MMP26: variants seen among roughly 807,000 people sequenced by gnomAD.
The protein encoded by MMP26 is matrix metallopeptidase 26, also known as matrix metalloproteinase-26.
Under a neutral mutation model 31.0 loss-of-function variants are expected in MMP26, and 33 were observed. The observed-to-expected ratio is 1.06, with a 90% confidence interval of 0.81 to 1.42. The LOEUF (loss-of-function observed/expected upper bound fraction) is 1.42. Among genes scored for constraint, MMP26 ranks in the 40% most tolerant of loss-of-function variants. MMP26 has a pLI of 0.00. For synonymous variants in MMP26, 122 were observed against 114.9 expected (o/e 1.06, Z -0.40); for missense variants, 347 against 316.1 (o/e 1.10, Z -0.74).
At chr11:4,848,923 C>T (rs1379999362) in intron 2 of MMP26, 4 of 1,613,908 alleles carry the variant, frequency 2.5e-6, no homozygotes, top group Non-Finnish European at 2.5e-6. Context: ...GTGTGAGCAC[C>T]AGCAAGGGCG....
chr11:4,803,174 TAGG>T (rs1170576900), intron 2 of MMP26, among the ~76,000 whole-genome samples: 1 of 152,214 alleles, frequency 6.6e-6, no homozygotes. Context: ...ACTGATTTAA[TAGG>T]TAAAACTACT....
chr11:4,706,577 C>CAAAAAAAAAAAAAAAAAAAAAAAACA (rs71050423), intron 1 of MMP26, among the ~76,000 whole-genome samples: 1 of 87,568 alleles, frequency 1.1e-5, no homozygotes, highest in Non-Finnish European at 2.1e-5. Flanking sequence ...GACCCTATCT[C>CAAAAAAAAAAAAAAAAAAAAAAAACA]AAAAAAAAAA....
intron 2 of MMP26, among the ~76,000 whole-genome samples, chr11:4,976,136 T>C (rs1018941596): frequency 2.0e-5 from 3 of 152,110 alleles, no homozygotes; most frequent in African/African-American, 7.3e-5. Context: ...GATTGTCCAG[T>C]ATTCTGTCTT....
chr11:4,845,620 T>C (rs1849856261), intron 2 of MMP26, among the ~76,000 whole-genome samples: 1 of 152,088 alleles, frequency 6.6e-6, no homozygotes, highest in Non-Finnish European at 1.5e-5. Flanking sequence ...AAAAAGCTTC[T>C]GCATAGCAAA....
At chr11:4,844,193 C>T (rs1156403422) in intron 2 of MMP26, among the ~76,000 whole-genome samples, 1 of 152,084 alleles carries the variant, frequency 6.6e-6, no homozygotes, top group Admixed American at 6.6e-5. Context: ...TTCCTAGATG[C>T]ATACACCCTA....
chr11:4,733,655 T>A (rs1185261927), intron 1 of MMP26, among the ~76,000 whole-genome samples: 1 of 152,150 alleles, frequency 6.6e-6, no homozygotes, highest in Non-Finnish European at 1.5e-5. Context: ...CCTTCCTCTT[T>A]CCCTGGATTT....
chr11:4,802,705 C>T (rs1475805990), intron 2 of MMP26, among the ~76,000 whole-genome samples: 7 of 152,086 alleles, frequency 4.6e-5, no homozygotes, highest in Non-Finnish European at 1.0e-4. Context: ...CTACTCCAAG[C>T]AGCTATTTTT....
chr11:4,837,087 G>A (rs1194968310), intron 2 of MMP26, among the ~76,000 whole-genome samples: 2 of 151,982 alleles, frequency 1.3e-5, no homozygotes, highest in African/African-American at 2.4e-5. Flanking sequence ...TACCAGATTG[G>A]GAAAGGCATA....
intron 2 of MMP26, among the ~76,000 whole-genome samples, chr11:4,801,206 C>G (rs1849176587): frequency 1.3e-5 from 2 of 152,204 alleles, no homozygotes; most frequent in East Asian, 1.9e-4. Flanking sequence ...GCCCATTACC[C>G]AGTTCCAAAG....
At chr11:4,822,136 G>T (rs773070388) in intron 2 of MMP26, 1 of 1,612,260 alleles carries the variant, frequency 6.2e-7, no homozygotes, top group Non-Finnish European at 8.5e-7. Context: ...GAGGCGGAAA[G>T]CCTTCAACAC....
rs533811320 is a variant in MMP26, at chr11:4,870,496, G to A, written c.-145+103155G>A. On this transcript the variant is annotated intron_variant, in intron 2 of 7. Transcript: ENST00000380390. ...AATGTGAAGTAGAGAGTGATAAGGT[G>A]AAGATGGATTTTATAATTCTTAGAA... is the stretch of plus-strand genomic sequence containing the variant. Among the ~76,000 whole-genome samples, 11 of 152,170 alleles carry A rather than the reference G, an allele frequency of 7.2e-5. No homozygotes were observed. The East Asian group carries it at 1.7e-3, about 24-fold the overall frequency.
intron 2 of MMP26, among the ~76,000 whole-genome samples, chr11:4,856,285 T>G (rs1457578180): frequency 6.6e-6 from 1 of 152,000 alleles, no homozygotes; most frequent in Non-Finnish European, 1.5e-5. Context: ...GCAAATTGGA[T>G]AAACAGTCAA....
chr11:4,866,703 C>G (rs576676044), intron 2 of MMP26, among the ~76,000 whole-genome samples: 1 of 152,076 alleles, frequency 6.6e-6, no homozygotes, highest in Non-Finnish European at 1.5e-5. Context: ...GCTACAGTAA[C>G]CAAAACAGCA....
intron 2 of MMP26, among the ~76,000 whole-genome samples, chr11:4,805,672 T>G (rs189872061): frequency 6.6e-6 from 1 of 152,336 alleles, no homozygotes; most frequent in East Asian, 1.9e-4. Context: ...AATGTCATTA[T>G]TCAAAGGCAG....
intron 2 of MMP26, among the ~76,000 whole-genome samples, chr11:4,887,762 C>T (rs1181422702): frequency 1.3e-5 from 2 of 152,040 alleles, no homozygotes; most frequent in Non-Finnish European, 2.9e-5. Context: ...ATACACTGTA[C>T]AAGTGCTAGA....
chr11:4,835,724 G>C (rs750548793), intron 2 of MMP26, among the ~76,000 whole-genome samples: 6 of 152,150 alleles, frequency 3.9e-5, no homozygotes, highest in Non-Finnish European at 7.4e-5. Flanking sequence ...CCATTCAAAG[G>C]TGCTTTCCAC....
chr11:4,965,115 G>A (rs986823774), intron 2 of MMP26, among the ~76,000 whole-genome samples: 1 of 152,140 alleles, frequency 6.6e-6, no homozygotes, highest in African/African-American at 2.4e-5. Context: ...GACTTTCCTG[G>A]AGTATCACAT....
At chr11:4,827,042 TG>T (rs1333617482) in intron 2 of MMP26, among the ~76,000 whole-genome samples, 1 of 151,496 alleles carries the variant, frequency 6.6e-6, no homozygotes, top group Non-Finnish European at 1.5e-5. Flanking sequence ...GTGTCAGTCT[TG>T]GGGCAAGAAA....
At chr11:4,861,958 A>G (rs934066952) in intron 2 of MMP26, among the ~76,000 whole-genome samples, 6 of 151,950 alleles carry the variant, frequency 3.9e-5, no homozygotes, top group East Asian at 1.9e-4. Flanking sequence ...TGCAGCACCA[A>G]CTCACACCAT....
Sources: gnomAD v4.1 joint callset for allele counts (sites outside exome capture counted in the v4.1 genomes callset) on GRCh38, gnomAD v4.1.1 for gene constraint, MANE v1.5 for transcripts, NCBI Gene and HGNC (gene_info 2026-07-23, HGNC 2026-07-21) for gene names.